CNTN3: variants seen among roughly 807,000 people sequenced by gnomAD.
The protein encoded by CNTN3 is contactin-3.
CNTN3 carries 60 observed loss-of-function variants against 119.1 expected under a neutral mutation model. The observed-to-expected ratio is 0.50, with a 90% CI of 0.41 to 0.62. The LOEUF is 0.62. CNTN3 is among the 20% of genes least tolerant of loss of function. CNTN3 has a pLI of 0.00. For synonymous variants in CNTN3, 450 were observed against 438.7 expected, an observed-to-expected ratio of 1.03 and a Z score of -0.32; for missense variants, 1,101 against 1,242.4, an observed-to-expected ratio of 0.89 and a Z score of 1.71.
chr3:74,432,594 T>TA (rs947142346), intron 4 of CNTN3, among the ~76,000 whole-genome samples: 1 of 152,092 alleles, frequency 6.6e-6, no homozygotes. Context: ...ACTACAAAAA[T>TA]AAAAAAATCC....
intron 3 of CNTN3, among the ~76,000 whole-genome samples, chr3:74,492,336 C>A (rs759982161): frequency 6.6e-6 from 1 of 152,040 alleles, no homozygotes; most frequent in African/African-American, 2.4e-5. Flanking sequence ...AATTAGAAGT[C>A]CTGGGTTACT....
At chr3:74,606,875 G>A (rs1407581561) in intron 1 of CNTN3, among the ~76,000 whole-genome samples, 1 of 151,958 alleles carries the variant, frequency 6.6e-6, no homozygotes, top group African/African-American at 2.4e-5. Context: ...ATTTCACAGG[G>A]CAACTGCTGC....
At chr3:74,543,689 C>A (rs556236567) in intron 1 of CNTN3, among the ~76,000 whole-genome samples, 1 of 152,186 alleles carries the variant, frequency 6.6e-6, no homozygotes, top group Admixed American at 6.5e-5. Flanking sequence ...AAAAAATACT[C>A]TAAGGGTCAC....
intron 4 of CNTN3, among the ~76,000 whole-genome samples, chr3:74,459,546 A>C (rs1702328034): frequency 6.6e-6 from 1 of 152,010 alleles, no homozygotes; most frequent in Non-Finnish European, 1.5e-5. Context: ...TAATCTCTGT[A>C]AATTCTAGGG....
At chr3:74,448,971 G>A (rs1402754906) in intron 4 of CNTN3, among the ~76,000 whole-genome samples, 7 of 151,932 alleles carry the variant, frequency 4.6e-5, no homozygotes, top group Non-Finnish European at 1.5e-5. Flanking sequence ...TTCCATTTTG[G>A]TTTCAGCGAT....
intron 1 of CNTN3, among the ~76,000 whole-genome samples, chr3:74,594,904 G>A (rs1286173699): frequency 1.3e-5 from 2 of 152,020 alleles, no homozygotes; most frequent in Non-Finnish European, 2.9e-5. Context: ...CTAGTTTACA[G>A]TCCCACCAAC....
chr3:74,271,128 A>C (rs1177340900), intron 20 of CNTN3, among the ~76,000 whole-genome samples: 1 of 152,218 alleles, frequency 6.6e-6, no homozygotes. Context: ...CCTGAAAACA[A>C]GTGATTACTA....
At chr3:74,606,633 T>C (rs921147620) in intron 1 of CNTN3, among the ~76,000 whole-genome samples, 5 of 151,980 alleles carry the variant, frequency 3.3e-5, no homozygotes, top group Admixed American at 3.3e-4. Flanking sequence ...AATGATATTT[T>C]CCAAGCAAGT....
intron 13 of CNTN3, among the ~76,000 whole-genome samples, chr3:74,306,469 C>T (rs1397285070): frequency 6.6e-6 from 1 of 152,046 alleles, no homozygotes; most frequent in Non-Finnish European, 1.5e-5. Flanking sequence ...TCTTTGTTTG[C>T]ATTATTTTCC....
chr3:74,500,029 T>C (rs1200952791), intron 2 of CNTN3, among the ~76,000 whole-genome samples: 1 of 152,082 alleles, frequency 6.6e-6, no homozygotes, highest in African/African-American at 2.4e-5. Flanking sequence ...GATCATTTCA[T>C]ACCGCAGCAA....
At chr3:74,268,508 TTA>T (rs1701706920) in intron 20 of CNTN3, among the ~76,000 whole-genome samples, 1 of 152,178 alleles carries the variant, frequency 6.6e-6, no homozygotes, top group Non-Finnish European at 1.5e-5. Flanking sequence ...TCAAATACAT[TTA>T]TGAGTCTAAT....
intron 5 of CNTN3, among the ~76,000 whole-genome samples, chr3:74,377,394 A>G (rs1239265638): frequency 1.3e-5 from 2 of 152,172 alleles, no homozygotes; most frequent in Admixed American, 6.5e-5. Flanking sequence ...CGGTAATACT[A>G]TCATATCAGA....
At chr3:74,405,987 G>A (rs1371509898) in intron 5 of CNTN3, among the ~76,000 whole-genome samples, 3 of 152,104 alleles carry the variant, frequency 2.0e-5, no homozygotes, top group Admixed American at 1.3e-4. Context: ...TGTTCTGATA[G>A]ATAATCTTGA....
chr3:74,468,516 T>C (rs934513508), intron 4 of CNTN3, among the ~76,000 whole-genome samples: 2 of 152,200 alleles, frequency 1.3e-5, no homozygotes, highest in Non-Finnish European at 2.9e-5. Context: ...AATGGGCCCA[T>C]ATTGATAGAG....
chr3:74,593,022 T>G (rs1441713644), intron 1 of CNTN3, among the ~76,000 whole-genome samples: 1 of 151,998 alleles, frequency 6.6e-6, no homozygotes, highest in African/African-American at 2.4e-5. Flanking sequence ...ATATGCAAAT[T>G]GACTCAATAT....
At chr3:74,537,670 C>T (rs1425699885) in intron 1 of CNTN3, among the ~76,000 whole-genome samples, 1 of 152,160 alleles carries the variant, frequency 6.6e-6, no homozygotes, top group East Asian at 1.9e-4. Flanking sequence ...TGGAACAAAA[C>T]TTCATGTTGT....
chr3:74,338,643 C>T (rs573786079), intron 11 of CNTN3, among the ~76,000 whole-genome samples: 1 of 152,098 alleles, frequency 6.6e-6, no homozygotes, highest in South Asian at 2.1e-4. Context: ...GGTTACACTT[C>T]CTTCAGTGAG....
At chr3:74,362,072 G>A (rs1704085623) in intron 10 of CNTN3, 32 bp from the exon 11 acceptor site, 1 of 1,600,748 alleles carries the variant, frequency 6.2e-7, no homozygotes. Flanking sequence ...AAGGAGAAGT[G>A]GATCATTTAC....
intron 1 of CNTN3, among the ~76,000 whole-genome samples, chr3:74,549,217 A>G (rs950963138): frequency 6.6e-6 from 1 of 152,000 alleles, no homozygotes; most frequent in Admixed American, 6.6e-5. Context: ...GGTTGTTTGG[A>G]AAGTGTGTAG....
Sources: gnomAD v4.1 joint callset for allele counts (sites outside exome capture counted in the v4.1 genomes callset) on GRCh38, gnomAD v4.1.1 for gene constraint, MANE v1.5 for transcripts, NCBI Gene and HGNC (gene_info 2026-07-23, HGNC 2026-07-21) for gene names.